TOX: variants seen among roughly 807,000 people sequenced by gnomAD.
TOX encodes the protein thymocyte selection associated high mobility group box.
In TOX, 11 loss-of-function variants were observed where a neutral mutation model predicts 53.7. That is an observed-to-expected ratio of 0.20 (90% CI 0.13 to 0.34). The LOEUF (loss-of-function observed/expected upper bound fraction) is 0.34. TOX is among the 10% of genes least tolerant of loss of function. The pLI, the probability that TOX is intolerant of heterozygous loss-of-function variation, is 1.00. For synonymous variants in TOX, 225 were observed against 245.3 expected, an observed-to-expected ratio of 0.92 and a Z score of 0.77; for missense variants, 570 against 664.6, an observed-to-expected ratio of 0.86 and a Z score of 1.56.
intron 1 of TOX, among the ~76,000 whole-genome samples, chr8:59,096,868 C>T (rs1379762617): frequency 4.6e-5 from 7 of 152,198 alleles, no homozygotes; most frequent in Non-Finnish European, 1.0e-4. Flanking sequence ...GTGACCTACA[C>T]ACACAAATCT....
At chr8:58,928,078 G>C (rs1012442939) in intron 3 of TOX, among the ~76,000 whole-genome samples, 1 of 152,206 alleles carries the variant, frequency 6.6e-6, no homozygotes, top group Non-Finnish European at 1.5e-5. Context: ...CTTTCGTCAA[G>C]TTTAATATAT....
intron 1 of TOX, among the ~76,000 whole-genome samples, chr8:58,961,235 C>T (rs1158609916): frequency 7.2e-5 from 11 of 152,210 alleles, no homozygotes; most frequent in East Asian, 1.9e-4. Context: ...TGAAAATTCA[C>T]GTCAACATAA....
At chr8:58,865,695 T>G (rs1005835876) in intron 3 of TOX, among the ~76,000 whole-genome samples, 2 of 152,114 alleles carry the variant, frequency 1.3e-5, no homozygotes, top group African/African-American at 4.8e-5. Flanking sequence ...AAAATATGAG[T>G]CAGCTAATTG....
At chr8:58,997,038 G>C (rs573410118) in intron 1 of TOX, among the ~76,000 whole-genome samples, 1 of 152,304 alleles carries the variant, frequency 6.6e-6, no homozygotes, top group East Asian at 1.9e-4. Flanking sequence ...GTTCAAACTA[G>C]TAACCAGAAC....
chr8:58,904,302 T>C (rs1811778331), intron 3 of TOX, among the ~76,000 whole-genome samples: 1 of 146,342 alleles, frequency 6.8e-6, no homozygotes, highest in Admixed American at 6.7e-5. Flanking sequence ...GTAGACGACA[T>C]ATTTTTTTTT....
intron 3 of TOX, among the ~76,000 whole-genome samples, chr8:58,852,347 T>C (rs1421487649): frequency 6.6e-6 from 1 of 152,176 alleles, no homozygotes; most frequent in Non-Finnish European, 1.5e-5. Flanking sequence ...GCCAAAATGA[T>C]CTCCTAACTA....
intron 1 of TOX, among the ~76,000 whole-genome samples, chr8:59,055,499 T>G (rs1378124951): frequency 2.0e-5 from 3 of 152,266 alleles, no homozygotes; most frequent in East Asian, 3.9e-4. Flanking sequence ...AGGATTCCAG[T>G]GCAGCCACCA....
At chr8:58,836,243 A>C (rs1213855794) in intron 5 of TOX, among the ~76,000 whole-genome samples, 1 of 152,186 alleles carries the variant, frequency 6.6e-6, no homozygotes, top group African/African-American at 2.4e-5. Context: ...TTTCTCATTC[A>C]GTGAGGCTCT....
intron 1 of TOX, among the ~76,000 whole-genome samples, chr8:59,014,387 T>C (rs1244245046): frequency 6.6e-6 from 1 of 152,258 alleles, no homozygotes; most frequent in African/African-American, 2.4e-5. Context: ...GACTGATCAT[T>C]TAAATTTTTC....
chr8:58,902,402 CG>C (rs1256473769), intron 3 of TOX, among the ~76,000 whole-genome samples: 1 of 152,012 alleles, frequency 6.6e-6, no homozygotes, highest in Non-Finnish European at 1.5e-5. Flanking sequence ...AGATGCAGGA[CG>C]GGGGGTCCTA....
intron 1 of TOX, among the ~76,000 whole-genome samples, chr8:58,961,122 C>T (rs1812789634): frequency 6.6e-6 from 1 of 152,114 alleles, no homozygotes; most frequent in African/African-American, 2.4e-5. Context: ...AAATATTGTA[C>T]TATAGACATC....
chr8:59,106,986 TC>T (rs1385332842), intron 1 of TOX, among the ~76,000 whole-genome samples: 1 of 144,436 alleles, frequency 6.9e-6, no homozygotes, highest in Admixed American at 6.9e-5. Context: ...ACTGGGTGAA[TC>T]TTTTAAACTT....
chr8:59,019,556 GC>G (rs1563420197), intron 1 of TOX, among the ~76,000 whole-genome samples: 1 of 152,094 alleles, frequency 6.6e-6, no homozygotes, highest in Non-Finnish European at 1.5e-5. Flanking sequence ...AAAAATGATT[GC>G]CTAGCCAAAA....
chr8:58,861,540 G>A (rs1336691930), intron 3 of TOX, among the ~76,000 whole-genome samples: 2 of 152,146 alleles, frequency 1.3e-5, no homozygotes, highest in African/African-American at 4.8e-5. Flanking sequence ...TTGTTTTGAT[G>A]TGCCCAGAGA....
chr8:59,016,741 C>T (rs1479975104), intron 1 of TOX, among the ~76,000 whole-genome samples: 1 of 152,180 alleles, frequency 6.6e-6, no homozygotes, highest in Non-Finnish European at 1.5e-5. Context: ...TCCAAACTAG[C>T]TGCAGAGGAA....
chr8:58,865,991 C>T (rs1038241010), intron 3 of TOX, among the ~76,000 whole-genome samples: 1 of 152,008 alleles, frequency 6.6e-6, no homozygotes, highest in African/African-American at 2.4e-5. Context: ...CCTGACACCA[C>T]ACTTGGCTAA....
intron 1 of TOX, among the ~76,000 whole-genome samples, chr8:59,079,240 T>C (rs556816467): frequency 1.4e-4 from 21 of 152,160 alleles, no homozygotes; most frequent in African/African-American, 5.1e-4. Flanking sequence ...GGGAGAGGAA[T>C]TAAAAAATTT....
intron 1 of TOX, among the ~76,000 whole-genome samples, chr8:59,034,881 T>A (rs1351148358): frequency 1.3e-5 from 2 of 152,186 alleles, no homozygotes; most frequent in Non-Finnish European, 2.9e-5. Context: ...GGAATGAGTA[T>A]CATCCCCATT....
intron 5 of TOX, among the ~76,000 whole-genome samples, chr8:58,835,457 G>C (rs144165835): frequency 2.6e-5 from 4 of 151,964 alleles, no homozygotes; most frequent in African/African-American, 9.7e-5. Context: ...ATATTTTTGG[G>C]GTCTGTAAAT....
Sources: gnomAD v4.1 joint callset for allele counts (sites outside exome capture counted in the v4.1 genomes callset) on GRCh38, gnomAD v4.1.1 for gene constraint, MANE v1.5 for transcripts, NCBI Gene and HGNC (gene_info 2026-07-23, HGNC 2026-07-21) for gene names.